VSTM1: variants seen among roughly 807,000 people sequenced by gnomAD.
VSTM1 encodes the protein V-set and transmembrane domain containing 1.
Under a neutral mutation model 33.1 loss-of-function variants are expected in VSTM1, and 27 were observed. That is an observed-to-expected ratio of 0.82 (90% CI 0.60 to 1.12). VSTM1 has a LOEUF of 1.12. Among genes scored for constraint, VSTM1 ranks in the 50% most tolerant of loss-of-function variants. VSTM1 has a pLI of 0.00. For synonymous variants in VSTM1, 115 were observed against 110.3 expected, an observed-to-expected ratio of 1.04 and a Z score of -0.27; for missense variants, 304 against 288.9, an observed-to-expected ratio of 1.05 and a Z score of -0.38.
chr19:54,047,523 A>G (rs542456475), intron 4 of VSTM1, among the ~76,000 whole-genome samples: 1 of 152,202 alleles, frequency 6.6e-6, no homozygotes, highest in African/African-American at 2.4e-5. Context: ...CAAACTCCAG[A>G]GCTCAAGTGT....
chr19:54,042,157 C>T lies in VSTM1; in HGVS notation c.515+12G>A. The T allele has an allele frequency of 1.2e-6, 2 of 1,613,680 alleles. No individual in the cohort carries two copies. Among genetic ancestry groups the T allele is most frequent in the South Asian group, 2.2e-5 (2 of 91,042 alleles). On this transcript the variant is annotated intron_variant, in intron 6 of 8. Transcript: ENST00000338372. The stretch of plus-strand genomic sequence containing the variant: ...GGGAATAAGTGGAGCATGAGCTATG[C>T]CAAGCATCTACCTCTTGGTGGATTC...
intron 1 of VSTM1, among the ~76,000 whole-genome samples, chr19:54,062,874 C>A (rs1485180400): frequency 6.6e-6 from 1 of 152,162 alleles, no homozygotes; most frequent in South Asian, 2.1e-4. Context: ...CAGGGAGGAA[C>A]TGGGGCCTTA....
At chr19:54,041,130 C>T in intron 8 of VSTM1, 50 bp from the exon 9 acceptor site, 1 of 1,483,946 alleles carries the variant, frequency 6.7e-7, no homozygotes. Flanking sequence ...ATATGGCAGC[C>T]ACTAGCCACA....
At chr19:54,042,745 CGT>C (rs58125690) in intron 4 of VSTM1, among the ~76,000 whole-genome samples, 22 of 106,732 alleles carry the variant, frequency 2.1e-4, no homozygotes, top group African/African-American at 3.3e-4. Flanking sequence ...TATATATATA[CGT>C]GTGTGTGTGT....
At chr19:54,048,082 G>T (rs956455484) in intron 4 of VSTM1, among the ~76,000 whole-genome samples, 23 of 152,048 alleles carry the variant, frequency 1.5e-4, no homozygotes, top group Non-Finnish European at 2.9e-5. Context: ...TACAGGCTGG[G>T]GACATCATAC....
At chr19:54,059,995 C>T (rs565716191) in intron 1 of VSTM1, among the ~76,000 whole-genome samples, 1 of 150,776 alleles carries the variant, frequency 6.6e-6, no homozygotes, top group East Asian at 1.9e-4. Flanking sequence ...CTACAGGCAC[C>T]CGCCACCAAG....
chr19:54,042,278 G>C lies in VSTM1; in HGVS notation c.486C>G (p.His162Gln). The change falls in exon 5 of 9, where the codon CAC (histidine) becomes CAG (glutamine). Residue 162 changes from histidine to glutamine, a missense_variant and splice_region_variant. By Grantham distance (24) the His-to-Gln change is conservative (BLOSUM62 0). Transcript: ENST00000338372. The stretch of plus-strand genomic sequence containing the variant: ...TCCCTTTGCGTTCTCTGAGCTCACT[G>C]TGCTGGCTGCATCTGTAGATGATGA... ...SVFIIYRCSQ[H>Q]SSSSEESTKR... The C allele has an allele frequency of 6.2e-7, 1 of 1,613,958 alleles. No homozygotes were observed. Among genetic ancestry groups the C allele is most frequent in the Non-Finnish European group, 8.5e-7 (1 of 1,179,982 alleles).
At position 54,063,762 on chromosome 19, in the gene VSTM1, G is replaced by C; in HGVS notation, c.16C>G (p.Leu6Val). ...GACTCACCGAGGCAAAGCAGGGAGA[G>C]GAATTCTGCGGTCATAGCGTCCCTT... is the stretch of plus-strand genomic sequence containing the variant. MTAEF[L>V]SLLCLGLCLG... The change falls in exon 1 of 9, where the codon CTC becomes GTC. Residue 6 changes from leucine to valine, a missense_variant. By Grantham distance (32) the Leu-to-Val change is conservative. Transcript: ENST00000338372. 2 of 1,613,870 alleles carry C rather than the reference G, an allele frequency of 1.2e-6. No homozygotes were observed. Among genetic ancestry groups the C allele is most frequent in the Non-Finnish European group, 1.7e-6 (2 of 1,179,922 alleles).
In VSTM1 at chr19:54,041,012, G is replaced by T. The variant is rs763372598; in HGVS notation, c.660C>A (p.Asp220Glu). 5.6e-6 allele frequency: 9 copies of T among 1,609,954 alleles called. No homozygotes were observed. Among genetic ancestry groups the T allele is most frequent in the Non-Finnish European group, 7.6e-6 (9 of 1,178,804 alleles). Residue 220 changes from aspartate (D) to glutamate (E), a missense_variant, in exon 9 of 9, where the codon GAC (aspartate) becomes GAA (glutamate). By Grantham distance (45) the Asp-to-Glu change is conservative. Transcript: ENST00000338372. ...STSALSEAAS[D>E]TTQEPPGSHE... ...GAGATCCTGGGGGCTCCTGGGTGGTGTCTGAAGCTGCCTCAGACAGGGCGC... is the reference window on the plus strand; with the variant it reads ...GAGATCCTGGGGGCTCCTGGGTGGTTTCTGAAGCTGCCTCAGACAGGGCGC...
chr19:54,063,685 C>G (rs2071507998), intron 1 of VSTM1, 59 bp downstream of exon 1: 1 of 1,602,534 alleles, frequency 6.2e-7, no homozygotes, highest in South Asian at 1.1e-5. Flanking sequence ...TGGACTGCCA[C>G]TCCCACATGA....
intron 1 of VSTM1, among the ~76,000 whole-genome samples, chr19:54,059,183 C>T (rs1220508299): frequency 4.0e-5 from 6 of 151,346 alleles, no homozygotes; most frequent in Admixed American, 3.3e-4. Context: ...GCCTCAGCCT[C>T]CCGAGTAGCT....
At chr19:54,052,402 A>T (rs1039481973) in intron 3 of VSTM1, among the ~76,000 whole-genome samples, 2 of 140,088 alleles carry the variant, frequency 1.4e-5, no homozygotes, top group South Asian at 2.4e-4. Flanking sequence ...CGTCTCAAAA[A>T]AAAAATAAAA....
chr19:54,052,981 C>CAA lies in VSTM1; in HGVS notation c.356-1535_356-1534dup, dbSNP rs34017003. 7.9e-3 allele frequency: 396 copies of CAA among 50,400 alleles called. 9 individuals carry two copies. The highest frequency in any genetic ancestry group is 0.012 in the Admixed American group (41 of 3,460). 3.1% of individuals were successfully genotyped at this position (50,400 alleles called of 1,614,324 possible). A position where few individuals can be genotyped will look rare whatever the true frequency, so the allele number is the denominator to read the frequency against. On this transcript the variant is annotated intron_variant, in intron 3 of 8. Coordinates refer to ENST00000338372, the MANE Select transcript of VSTM1 (RefSeq NM_198481.4). ...TGGGCAACCGAGTGGGACCCTGTCT[C>CAA]AAAAAAAAAAAAAAAAAAAAAAGCA...
Position 54,048,467 on chromosome 19 carries a change from A to G in VSTM1, c.394+2943T>C, listed in dbSNP as rs193042704. On this transcript the variant is annotated intron_variant, in intron 4 of 8. Coordinates refer to ENST00000338372, the MANE Select transcript of VSTM1 (RefSeq NM_198481.4). ...TGATGATACAAATTTGAACTCAAAA[A>G]GTACATTTTAAGAAATTATATAATA... 24 of 225,160 alleles carry G rather than the reference A, an allele frequency of 1.1e-4. No homozygotes were observed. In the East Asian group the frequency reaches 3.3e-3, roughly 31 times the overall value. 13.9% of individuals were successfully genotyped at this position (225,160 alleles called of 1,614,324 possible). A position where few individuals can be genotyped will look rare whatever the true frequency, so the allele number is the denominator to read the frequency against.
intron 3 of VSTM1, among the ~76,000 whole-genome samples, chr19:54,056,074 TG>T (rs1255010550): frequency 1.4e-5 from 2 of 140,108 alleles, no homozygotes; most frequent in Admixed American, 7.4e-5. Context: ...ACCTTAATTA[TG>T]GGGCTCTCAC....
At chr19:54,055,769 T>C (rs61735684) in intron 3 of VSTM1, 2,390 of 142,546 alleles carry the variant, frequency 0.017, 370 homozygotes, top group Non-Finnish European at 0.027. Flanking sequence ...AGGGTCTACA[T>C]TGACTGAGAG....
At chr19:54,062,206 T>G (rs2071426856) in intron 1 of VSTM1, among the ~76,000 whole-genome samples, 1 of 151,744 alleles carries the variant, frequency 6.6e-6, no homozygotes, top group Non-Finnish European at 1.5e-5. Flanking sequence ...AAGAGGGGCA[T>G]AAAACAGACG....
chr19:54,048,655 T>C (rs2070708786), intron 4 of VSTM1, among the ~76,000 whole-genome samples: 1 of 152,288 alleles, frequency 6.6e-6, no homozygotes, highest in South Asian at 2.1e-4. Context: ...AGTCACCATA[T>C]GTCCTAGCAA....
chr19:54,051,861 A>T lies in VSTM1; in HGVS notation c.356-413T>A, dbSNP rs2070855590. Among the ~76,000 whole-genome samples, 4 of 152,118 alleles carry T rather than the reference A, an allele frequency of 2.6e-5. No individual in the cohort carries two copies. The South Asian group carries it at 8.3e-4, about 32-fold the overall frequency. The stretch of plus-strand genomic sequence containing the variant: ...CTGCAACCTCCGCCTCCCGGGTTCA[A>T]GAGATTCTCCTGCCTCAGCCTTCCA... On this transcript the variant is annotated intron_variant, in intron 3 of 8. Coordinates refer to ENST00000338372, the MANE Select transcript of VSTM1 (RefSeq NM_198481.4).
Sources: gnomAD v4.1 joint callset for allele counts (sites outside exome capture counted in the v4.1 genomes callset) on GRCh38, gnomAD v4.1.1 for gene constraint, MANE v1.5 for transcripts, NCBI Gene and HGNC (gene_info 2026-07-23, HGNC 2026-07-21) for gene names.